ABTB3: variants seen among roughly 807,000 people sequenced by gnomAD.
ABTB3 encodes the protein ankyrin repeat and BTB domain containing 3, also known as ankyrin repeat- and BTB/POZ domain-containing protein 3.
At chr12:107,630,250 G>T in the ABTB3 span, among the ~76,000 whole-genome samples, 3 of 152,206 alleles carry the variant, frequency 2.0e-5, no homozygotes, top group African/African-American at 7.2e-5. Flanking sequence ...ACCAGCCAGT[G>T]CTTGGCATTT....
At chr12:107,609,014 G>T in the ABTB3 span, among the ~76,000 whole-genome samples, 6 of 104,588 alleles carry the variant, frequency 5.7e-5, no homozygotes, top group Admixed American at 5.4e-4. Context: ...ATAAAATAAA[G>T]ACACAGATAG....
the ABTB3 span, among the ~76,000 whole-genome samples, chr12:107,525,439 A>G: frequency 6.6e-6 from 1 of 152,108 alleles, no homozygotes; most frequent in Non-Finnish European, 1.5e-5. Flanking sequence ...TTAGATACAC[A>G]AGTACTTCCC....
At chr12:107,518,161 T>C in the ABTB3 span, among the ~76,000 whole-genome samples, 1 of 152,202 alleles carries the variant, frequency 6.6e-6, no homozygotes, top group African/African-American at 2.4e-5. Context: ...ACACTGTTGG[T>C]GGGACTGTAA....
At chr12:107,592,501 GATAA>G in the ABTB3 span, among the ~76,000 whole-genome samples, 83 of 152,232 alleles carry the variant, frequency 5.5e-4, 1 homozygote, top group African/African-American at 2.0e-3. Flanking sequence ...AGAGAGAATG[GATAA>G]ATAAATTATA....
the ABTB3 span, among the ~76,000 whole-genome samples, chr12:107,356,651 C>T: frequency 6.6e-6 from 1 of 152,242 alleles, no homozygotes; most frequent in Non-Finnish European, 1.5e-5. Flanking sequence ...ATGTTCCACC[C>T]TGTGTGCCAC....
chr12:107,391,919 A>G, the ABTB3 span, among the ~76,000 whole-genome samples: 3 of 152,144 alleles, frequency 2.0e-5, no homozygotes, highest in Non-Finnish European at 2.9e-5. Context: ...TTTCTCAGGA[A>G]CACTTGGGAC....
At chr12:107,557,316 A>C in the ABTB3 span, among the ~76,000 whole-genome samples, 1 of 122,824 alleles carries the variant, frequency 8.1e-6, no homozygotes, top group African/African-American at 2.6e-5. Flanking sequence ...AAATTAACAT[A>C]GTGGCATTTG....
the ABTB3 span, among the ~76,000 whole-genome samples, chr12:107,358,339 T>C: frequency 1.3e-5 from 2 of 152,158 alleles, no homozygotes; most frequent in Admixed American, 6.5e-5. Flanking sequence ...GCTCCACAGA[T>C]ACCTGGAGAA....
chr12:107,641,168 C>T, the ABTB3 span, among the ~76,000 whole-genome samples: 5 of 152,248 alleles, frequency 3.3e-5, no homozygotes, highest in Middle Eastern at 0.01. Flanking sequence ...TAAAAGCATC[C>T]AGGAATCTCC....
the ABTB3 span, among the ~76,000 whole-genome samples, chr12:107,452,702 G>A: frequency 1.3e-5 from 2 of 152,092 alleles, no homozygotes; most frequent in Non-Finnish European, 2.9e-5. Flanking sequence ...ATTAGTCAGC[G>A]TGGTGGCAGG....
chr12:107,425,569 A>AT, the ABTB3 span, among the ~76,000 whole-genome samples: 2 of 152,194 alleles, frequency 1.3e-5, no homozygotes, highest in Non-Finnish European at 2.9e-5. Flanking sequence ...TATTATATGA[A>AT]TTTTGCCTCG....
the ABTB3 span, among the ~76,000 whole-genome samples, chr12:107,622,602 C>T: frequency 7.2e-5 from 11 of 152,204 alleles, no homozygotes; most frequent in Non-Finnish European, 1.6e-4. Flanking sequence ...GTGTCTCAGC[C>T]TCCCAAGTGG....
At chr12:107,626,343 C>CT in the ABTB3 span, among the ~76,000 whole-genome samples, 82,065 of 112,492 alleles carry the variant, frequency 0.73, 30,912 homozygotes, top group East Asian at 0.89. Flanking sequence ...CTATCGTCAT[C>CT]TTTTTTTTTT....
chr12:107,502,480 T>C, the ABTB3 span, among the ~76,000 whole-genome samples: 5 of 152,076 alleles, frequency 3.3e-5, no homozygotes, highest in Non-Finnish European at 7.4e-5. Context: ...CCCCACAAAA[T>C]GTGGGTATTA....
the ABTB3 span, among the ~76,000 whole-genome samples, chr12:107,323,004 G>C: frequency 2.0e-4 from 30 of 152,202 alleles, no homozygotes; most frequent in Non-Finnish European, 3.2e-4. Flanking sequence ...CTAAGCCTAA[G>C]AGAGGCCCTA....
At chr12:107,565,003 G>A in the ABTB3 span, among the ~76,000 whole-genome samples, 1 of 152,240 alleles carries the variant, frequency 6.6e-6, no homozygotes, top group African/African-American at 2.4e-5. Flanking sequence ...AAGGTGCAAG[G>A]CATGTGACTG....
chr12:107,611,318 CT>C, the ABTB3 span, among the ~76,000 whole-genome samples: 3 of 152,116 alleles, frequency 2.0e-5, no homozygotes, highest in South Asian at 6.2e-4. Flanking sequence ...GGAGCTGGGA[CT>C]ACAGGTGTGC....
chr12:107,462,935 G>T, the ABTB3 span, among the ~76,000 whole-genome samples: 1 of 151,046 alleles, frequency 6.6e-6, no homozygotes, highest in African/African-American at 2.5e-5. Context: ...GATGACTGTG[G>T]TGATGACGCT....
chr12:107,436,263 T>G, the ABTB3 span, among the ~76,000 whole-genome samples: 5 of 152,192 alleles, frequency 3.3e-5, no homozygotes, highest in African/African-American at 1.2e-4. Flanking sequence ...GAGGGAGAAT[T>G]CAGGAATGAC....
Sources: gnomAD v4.1 joint callset for allele counts (sites outside exome capture counted in the v4.1 genomes callset) on GRCh38, gnomAD v4.1.1 for gene constraint, MANE v1.5 for transcripts, NCBI Gene and HGNC (gene_info 2026-07-23, HGNC 2026-07-21) for gene names.